Variants in NUGGC observed in about 807,000 individuals in gnomAD.
The protein encoded by NUGGC is nuclear GTPase, germinal center associated.
A neutral mutation model predicts 92.6 loss-of-function variants in NUGGC; 58 were observed. The ratio of observed to expected loss-of-function variants is 0.63; its 90% CI spans 0.51 to 0.78. The LOEUF is 0.78. Among genes scored for constraint, NUGGC ranks in the 30% least tolerant of loss-of-function variants. The pLI is 0.00. For missense variants in NUGGC, 925 were observed against 964.6 expected, an observed-to-expected ratio of 0.96 and a Z score of 0.54; for synonymous variants, 376 against 366.4, an observed-to-expected ratio of 1.03 and a Z score of -0.30.
intron 3 of NUGGC, 135 bp from the exon 4 acceptor site, chr8:28,069,787 C>T: frequency 1.5e-6 from 1 of 653,436 alleles, no homozygotes; most frequent in East Asian, 2.7e-5. Flanking sequence ...AACAAGATAG[C>T]AGGTTATCTC....
chr8:28,031,077 G>A (rs894045469), intron 15 of NUGGC, among the ~76,000 whole-genome samples, 166 bp downstream of exon 15: 4 of 152,114 alleles, frequency 2.6e-5, no homozygotes, highest in Non-Finnish European at 5.9e-5. Flanking sequence ...GCCCACTGCC[G>A]TCCCCACATC....
At chr8:28,078,634 A>G (rs1810777669) in intron 1 of NUGGC, among the ~76,000 whole-genome samples, 1 of 152,212 alleles carries the variant, frequency 6.6e-6, no homozygotes, top group Non-Finnish European at 1.5e-5. Flanking sequence ...GATGGGTGCT[A>G]AAAAGACACA....
At position 28,035,000 on chromosome 8, in the gene NUGGC, A is replaced by C. The variant is rs143686756; in HGVS notation, c.1612-1303T>G. The stretch of plus-strand genomic sequence containing the variant: ...TTCTGATCTCAAAGATACATTGTTT[A>C]TTTGATAGGAGCACCTTGGGCATGT... On this transcript the variant is annotated intron_variant, in intron 13 of 18. Transcript: ENST00000413272. Among the ~76,000 whole-genome samples, 239 of 152,312 alleles carry C rather than the reference A, an allele frequency of 1.6e-3. 1 individual carries two copies. Among genetic ancestry groups the C allele is most frequent in the African/African-American group, 5.6e-3 (234 of 41,562 alleles).
chr8:28,071,927 G>C (rs1810600071), intron 2 of NUGGC, among the ~76,000 whole-genome samples: 1 of 152,158 alleles, frequency 6.6e-6, no homozygotes, highest in Admixed American at 6.5e-5. Flanking sequence ...CAGAATCACA[G>C]AGAAGAAATG....
chr8:28,060,737 G>A (rs1810283643), intron 7 of NUGGC, 136 bp from the exon 8 acceptor site: 1 of 666,460 alleles, frequency 1.5e-6, no homozygotes, highest in Non-Finnish European at 2.5e-6. Flanking sequence ...CTGTGCACTA[G>A]CTGGACTGAG....
At chr8:28,069,746 G>T in intron 3 of NUGGC, 94 bp from the exon 4 acceptor site, 1 of 756,276 alleles carries the variant, frequency 1.3e-6, no homozygotes, top group East Asian at 2.5e-5. Flanking sequence ...CGCAGAGAAG[G>T]GAAAAAAAAA....
intron 13 of NUGGC, among the ~76,000 whole-genome samples, chr8:28,037,512 C>G (rs538712723): frequency 2.0e-4 from 31 of 152,350 alleles, no homozygotes; most frequent in Non-Finnish European, 1.5e-5. Flanking sequence ...TCTAACCTGG[C>G]CTGCGATTTC....
intron 14 of NUGGC, among the ~76,000 whole-genome samples, chr8:28,032,353 G>A (rs1201793266): frequency 6.6e-6 from 1 of 152,178 alleles, no homozygotes; most frequent in Non-Finnish European, 1.5e-5. Context: ...TGAAATGCCA[G>A]CGGGAAGGAC....
At chr8:28,057,937 A>G (rs1005015612) in intron 9 of NUGGC, among the ~76,000 whole-genome samples, 10 of 152,124 alleles carry the variant, frequency 6.6e-5, no homozygotes, top group Non-Finnish European at 1.3e-4. Flanking sequence ...CACGCCTGTA[A>G]TCCCAGCACT....
Position 28,031,339 on chromosome 8 carries a change from A to T in NUGGC, c.1812T>A (p.Asp604Glu). 5.0e-6 allele frequency: 8 copies of T among 1,613,984 alleles called. No individual in the cohort carries two copies. The highest frequency in any genetic ancestry group is 6.8e-6 in the Non-Finnish European group (8 of 1,179,842). Reference sequence around the variant, plus strand: ...TCTCCTGCAGGGACTGCTTAAAAGCATCTATGTGAGGCATCAGAGCTGAAC... The same window carrying T: ...TCTCCTGCAGGGACTGCTTAAAAGCTTCTATGTGAGGCATCAGAGCTGAAC... ...PTGSALMPHI[D>E]AFKQSLQEKM... Residue 604 changes from aspartate to glutamate, a missense_variant, in exon 15 of 19, where the codon GAT becomes GAA. Asp to Glu is a conservative substitution (Grantham distance 45). Transcript: ENST00000413272.
chr8:28,048,388 C>T (rs1347381224), intron 10 of NUGGC, among the ~76,000 whole-genome samples: 2 of 152,060 alleles, frequency 1.3e-5, no homozygotes, highest in Non-Finnish European at 2.9e-5. Flanking sequence ...AAATGGTACA[C>T]ATCAGCCTTT....
rs201637260 is a variant in NUGGC, at chr8:28,051,950, C to CA, written c.1206+4014dup. On this transcript the variant is annotated intron_variant, in intron 10 of 18. Transcript: ENST00000413272. ...AAAACAAAACAAAAACAAAAACAAACAAAAAAAACCAAACTGGGTCAAGGC... is the reference window on the plus strand; with the variant it reads ...AAAACAAAACAAAAACAAAAACAAACAAAAAAAAACCAAACTGGGTCAAGGC... Among the ~76,000 whole-genome samples, 586 of 151,118 alleles carry CA rather than the reference C, an allele frequency of 3.9e-3. 2 individuals carry two copies. The highest frequency in any genetic ancestry group is 0.014 in the African/African-American group (564 of 41,232).
At chr8:28,068,789 T>A (rs1810513501) in intron 4 of NUGGC, among the ~76,000 whole-genome samples, 1 of 152,158 alleles carries the variant, frequency 6.6e-6, no homozygotes, top group African/African-American at 2.4e-5. Context: ...CAGGCTGGAG[T>A]GCAGTGGTGC....
chr8:28,048,464 A>AAC (rs1809900756), intron 10 of NUGGC, among the ~76,000 whole-genome samples: 5 of 152,190 alleles, frequency 3.3e-5, no homozygotes, highest in Non-Finnish European at 7.3e-5. Context: ...GCTAGTTGTT[A>AAC]AACATTTACA....
intron 18 of NUGGC, among the ~76,000 whole-genome samples, chr8:28,025,808 C>T (rs1389437124): frequency 6.6e-6 from 1 of 152,176 alleles, no homozygotes; most frequent in East Asian, 1.9e-4. Flanking sequence ...CAGATCTGTT[C>T]ATTGCAGCAG....
chr8:28,056,634 A>G (rs543525432), intron 9 of NUGGC, among the ~76,000 whole-genome samples: 180 of 152,316 alleles, frequency 1.2e-3, no homozygotes, highest in African/African-American at 4.3e-3. Context: ...GCCTAGAAGT[A>G]TCAAAAAATT....
intron 10 of NUGGC, among the ~76,000 whole-genome samples, chr8:28,054,219 C>T (rs1398438257): frequency 3.3e-5 from 5 of 152,146 alleles, no homozygotes; most frequent in South Asian, 2.1e-4. Context: ...TGGTGGCTCA[C>T]GTTGGTAATC....
At position 28,029,304 on chromosome 8, in the gene NUGGC, C is replaced by T. The variant is rs1468704176; in HGVS notation, c.2116G>A (p.Ala706Thr). The T allele has an allele frequency of 6.2e-7, 1 of 1,607,778 alleles. No homozygotes were observed. Among genetic ancestry groups the T allele is most frequent in the Non-Finnish European group, 8.5e-7 (1 of 1,177,168 alleles). The stretch of plus-strand genomic sequence containing the variant: ...AACTGGTGCTGCATCCTTTCCTGGG[C>T]CCTTTCAAACATGCCCTCAGCCACC... Reference protein sequence around the residue: ...RQVAEGMFERAQERMQHQFQQ... With the variant: ...RQVAEGMFERTQERMQHQFQQ... Residue 706 changes from alanine to threonine, a missense_variant, in exon 17 of 19, where the codon GCC (alanine) becomes ACC (threonine). Ala to Thr is a moderately conservative substitution (Grantham distance 58). Transcript: ENST00000413272.
chr8:28,069,907 C>T lies in NUGGC; in HGVS notation c.149-255G>A, dbSNP rs371205673. Among the ~76,000 whole-genome samples the T allele has an allele frequency of 6.6e-4, 101 of 152,306 alleles. 1 individual carries two copies. The South Asian group carries it at 0.019, about 28-fold the overall frequency. ...ACAGAAGTTATGGTATGCTTGGCCA[C>T]GGGCTTCAGCCCCTTCTAGATTTTT... On this transcript the variant is annotated intron_variant, in intron 3 of 18. Coordinates refer to ENST00000413272, the MANE Select transcript of NUGGC (RefSeq NM_001010906.2).
Sources: gnomAD v4.1 joint callset for allele counts (sites outside exome capture counted in the v4.1 genomes callset) on GRCh38, gnomAD v4.1.1 for gene constraint, MANE v1.5 for transcripts, NCBI Gene and HGNC (gene_info 2026-07-23, HGNC 2026-07-21) for gene names.